Variants in RNMT observed in about 807,000 individuals in gnomAD.
The protein encoded by RNMT is mRNA cap guanine-N(7) methyltransferase.
A neutral mutation model predicts 56.0 loss-of-function variants in RNMT; 27 were observed. That is an observed-to-expected ratio of 0.48 (90% CI 0.36 to 0.67). The LOEUF is 0.67. Among genes scored for constraint, RNMT ranks in the 30% least tolerant of loss-of-function variants. RNMT has a pLI of 0.00. For synonymous variants in RNMT, 184 were observed against 176.2 expected (o/e 1.04, Z -0.35); for missense variants, 519 against 552.1 (o/e 0.94, Z 0.60).
chr18:13,734,825 A>T (rs969425905), intron 4 of RNMT, among the ~76,000 whole-genome samples: 2 of 152,204 alleles, frequency 1.3e-5, no homozygotes, highest in Non-Finnish European at 1.5e-5. Flanking sequence ...ACCTAGTACT[A>T]TTAAGTAATG....
chr18:13,760,955 T>A lies in RNMT; in HGVS notation c.*976T>A, dbSNP rs11659762. The A allele has an allele frequency of 2.5e-5, 25 of 985,220 alleles. No homozygotes were observed. The highest frequency in any genetic ancestry group is 2.9e-5 in the Non-Finnish European group (24 of 829,898). The allele number at this position is 985,220 out of a possible 1,614,324, so 61.0% of individuals were successfully genotyped here. On this transcript the variant is annotated 3_prime_UTR_variant, in exon 12 of 12. Coordinates refer to ENST00000383314, the MANE Select transcript of RNMT (RefSeq NM_003799.3). The stretch of plus-strand genomic sequence containing the variant: ...ACTGCTTTTCCAAAACTGGTACTTA[T>A]GTGAACTGTTGTCCTTGCTTTACAC...
chr18:13,762,270 C>G lies in RNMT; in HGVS notation c.*2291C>G. The stretch of plus-strand genomic sequence containing the variant: ...CTGGATTGTGATTTAACCAAGAATG[C>G]TGATGTTGAATTCTTTGGGCCTAGA... On this transcript the variant is annotated 3_prime_UTR_variant, in exon 12 of 12. Coordinates refer to ENST00000383314, the MANE Select transcript of RNMT (RefSeq NM_003799.3). 8.2e-7 allele frequency: 1 copy of G among 1,225,964 alleles called. No individual in the cohort carries two copies. Among genetic ancestry groups the G allele is most frequent in the Non-Finnish European group, 1.1e-6 (1 of 903,102 alleles). 75.9% of individuals were successfully genotyped at this position (1,225,964 alleles called of 1,614,324 possible). A position where few individuals can be genotyped will look rare whatever the true frequency, so the allele number is the denominator to read the frequency against.
In RNMT at chr18:13,731,758, A is replaced by G. The variant is rs765878703; in HGVS notation, c.241A>G (p.Lys81Glu). 6.2e-7 allele frequency: 1 copy of G among 1,612,944 alleles called. No individual in the cohort carries two copies. The highest frequency in any genetic ancestry group is 1.7e-5 in the Admixed American group (1 of 59,708). Residue 81 changes from lysine (K) to glutamate (E), a missense_variant, in exon 3 of 12, where the codon AAG (lysine) becomes GAG (glutamate). Coordinates refer to ENST00000383314, the MANE Select transcript of RNMT (RefSeq NM_003799.3). Reference protein sequence around the residue: ...SSCGKDTPSKKRKLDPEIVPE... With the variant: ...SSCGKDTPSKERKLDPEIVPE... ...TTGTGGGAAAGACACTCCATCCAAG[A>G]AGAGAAAACTTGATCCTGAAATTGT...
intron 9 of RNMT, among the ~76,000 whole-genome samples, chr18:13,751,242 C>T (rs532874941): frequency 1.1e-4 from 16 of 152,056 alleles, no homozygotes; most frequent in Non-Finnish European, 2.4e-4. Flanking sequence ...GGCTAATATC[C>T]ATAATCTACA....
At chr18:13,734,066 C>T (rs768849189) in intron 3 of RNMT, among the ~76,000 whole-genome samples, 19 of 152,186 alleles carry the variant, frequency 1.2e-4, no homozygotes, top group Non-Finnish European at 2.1e-4. Context: ...GAATAAGTCT[C>T]ACGAGATCTG....
At chr18:13,730,293 C>A (rs1022591498) in intron 1 of RNMT, 1 of 152,196 alleles carries the variant, frequency 6.6e-6, no homozygotes, top group Non-Finnish European at 1.5e-5. Context: ...TTGAAAGAGA[C>A]TTAATGGTCA....
At chr18:13,728,942 T>C (rs530972921) in intron 1 of RNMT, among the ~76,000 whole-genome samples, 1 of 152,332 alleles carries the variant, frequency 6.6e-6, no homozygotes, top group South Asian at 2.1e-4. Context: ...CTCTTCACTC[T>C]TGTTTCCTTT....
chr18:13,761,719 C>G lies in RNMT; in HGVS notation c.*1740C>G. ...TGAGAAGATGCTCTGGGGACTGAGC[C>G]CACTGTTGTTGGTGTCAGGGAGGCT... On this transcript the variant is annotated 3_prime_UTR_variant, in exon 12 of 12. Coordinates refer to ENST00000383314, the MANE Select transcript of RNMT (RefSeq NM_003799.3). 1 of 1,129,054 alleles carries G rather than the reference C, an allele frequency of 8.9e-7. No homozygotes were observed. The highest frequency in any genetic ancestry group is 1.1e-6 in the Non-Finnish European group (1 of 918,020). 69.9% of individuals were successfully genotyped at this position (1,129,054 alleles called of 1,614,324 possible). A position where few individuals can be genotyped will look rare whatever the true frequency, so the allele number is the denominator to read the frequency against.
chr18:13,760,343 A>T lies in RNMT; in HGVS notation c.*364A>T. On this transcript the variant is annotated 3_prime_UTR_variant, in exon 12 of 12. Coordinates refer to ENST00000383314, the MANE Select transcript of RNMT (RefSeq NM_003799.3). ...GTGTTTACAGTATTCAATTTATTGC[A>T]GTTATAGAATTGGTCAGAGAGCATT... 9.9e-7 allele frequency: 1 copy of T among 1,012,416 alleles called. No individual in the cohort carries two copies. Among genetic ancestry groups the T allele is most frequent in the East Asian group, 9.4e-5 (1 of 10,594 alleles). 62.7% of individuals were successfully genotyped at this position (1,012,416 alleles called of 1,614,324 possible).
chr18:13,742,952 G>C (rs2044276624), intron 8 of RNMT: 1 of 207,712 alleles, frequency 4.8e-6, no homozygotes, highest in South Asian at 1.4e-4. Context: ...CAAAATGCCT[G>C]ACACTGCAAA....
chr18:13,732,601 A>G (rs2044089077), intron 3 of RNMT, among the ~76,000 whole-genome samples: 1 of 152,180 alleles, frequency 6.6e-6, no homozygotes, highest in African/African-American at 2.4e-5. Context: ...AAGGAATTTG[A>G]GGCAGAATCT....
intron 11 of RNMT, among the ~76,000 whole-genome samples, chr18:13,757,974 A>G (rs2044570572): frequency 6.6e-6 from 1 of 152,358 alleles, no homozygotes; most frequent in Non-Finnish European, 1.5e-5. Flanking sequence ...CTCCTTGTAC[A>G]TCTTCATCAG....
chr18:13,758,991 A>G (rs923278927), intron 11 of RNMT, among the ~76,000 whole-genome samples: 1 of 152,180 alleles, frequency 6.6e-6, no homozygotes, highest in Non-Finnish European at 1.5e-5. Context: ...GAGCAGTCAG[A>G]GCACACATGA....
chr18:13,743,958 T>A (rs1374344482), intron 8 of RNMT, among the ~76,000 whole-genome samples: 1 of 151,948 alleles, frequency 6.6e-6, no homozygotes, highest in African/African-American at 2.4e-5. Flanking sequence ...CATTTTCCTT[T>A]TAATTTTTAA....
intron 4 of RNMT, among the ~76,000 whole-genome samples, chr18:13,736,263 A>T (rs2149087170): frequency 6.6e-6 from 1 of 152,324 alleles, no homozygotes; most frequent in African/African-American, 2.4e-5. Flanking sequence ...GAAAGTGTCC[A>T]GCTCAGTGAT....
At position 13,760,807 on chromosome 18, in the gene RNMT, G is replaced by A. The variant is rs2044609834; in HGVS notation, c.*828G>A. On this transcript the variant is annotated 3_prime_UTR_variant, in exon 12 of 12. Coordinates refer to ENST00000383314, the MANE Select transcript of RNMT (RefSeq NM_003799.3). ...CAAATTTATACATGGAACTGCAGTA[G>A]GAATATTCTCACCATCTGATGCCAT... is the stretch of plus-strand genomic sequence containing the variant. The A allele has an allele frequency of 1.0e-6, 1 of 985,292 alleles. No individual in the cohort carries two copies. The highest frequency in any genetic ancestry group is 1.1e-4 in the East Asian group (1 of 8,828). 61.0% of individuals were successfully genotyped at this position (985,292 alleles called of 1,614,324 possible). A position where few individuals can be genotyped will look rare whatever the true frequency, so the allele number is the denominator to read the frequency against.
At chr18:13,747,340 T>G (rs1200981325) in intron 9 of RNMT, among the ~76,000 whole-genome samples, 1 of 151,942 alleles carries the variant, frequency 6.6e-6, no homozygotes, top group East Asian at 1.9e-4. Flanking sequence ...CACCTGAGCC[T>G]CCTGAGTAAC....
At chr18:13,751,706 A>G (rs1213986745) in intron 9 of RNMT, among the ~76,000 whole-genome samples, 2 of 142,410 alleles carry the variant, frequency 1.4e-5, no homozygotes, top group Admixed American at 6.8e-5. Flanking sequence ...TAGCAGAGAC[A>G]TGAAACCAAC....
chr18:13,762,773 C>G lies in RNMT; in HGVS notation c.*2794C>G, dbSNP rs973161787. On this transcript the variant is annotated 3_prime_UTR_variant, in exon 12 of 12. Transcript: ENST00000383314. ...GGCCAGGTATCCAGTTTTGTTAACT[C>G]TCTTTGGGAATTTCTTTTTCAGCCT... The G allele has an allele frequency of 1.4e-5, 4 of 281,388 alleles. No homozygotes were observed. Among genetic ancestry groups the G allele is most frequent in the South Asian group, 7.7e-5 (2 of 26,010 alleles). The allele number at this position is 281,388 out of a possible 1,614,324, so 17.4% of individuals were successfully genotyped here. A position where few individuals can be genotyped will look rare whatever the true frequency, so the allele number is the denominator to read the frequency against.
Sources: gnomAD v4.1 joint callset for allele counts (sites outside exome capture counted in the v4.1 genomes callset) on GRCh38, gnomAD v4.1.1 for gene constraint, MANE v1.5 for transcripts, NCBI Gene and HGNC (gene_info 2026-07-23, HGNC 2026-07-21) for gene names.